Variants in XRCC4 observed in about 807,000 individuals in gnomAD.
XRCC4 encodes the protein DNA repair protein XRCC4.
XRCC4 carries 28 observed loss-of-function variants against 39.1 expected under a neutral mutation model. The observed-to-expected ratio is 0.72, with a 90% CI of 0.53 to 0.98. The LOEUF is 0.98. Ranked by LOEUF, XRCC4 falls within the 50% of genes least tolerant of loss-of-function variation. The pLI is 0.00. For missense variants in XRCC4, 350 were observed against 376.4 expected (o/e 0.93, Z 0.58); for synonymous variants, 123 against 126.4 (o/e 0.97, Z 0.18).
chr5:83,347,843 C>A (rs998189621), intron 7 of XRCC4, among the ~76,000 whole-genome samples: 1 of 152,168 alleles, frequency 6.6e-6, no homozygotes, highest in Non-Finnish European at 1.5e-5. Context: ...AAAATCAAAA[C>A]CAAGCTAGTT....
At chr5:83,228,633 T>G (rs892279564) in intron 6 of XRCC4, among the ~76,000 whole-genome samples, 1 of 152,064 alleles carries the variant, frequency 6.6e-6, no homozygotes, top group African/African-American at 2.4e-5. Flanking sequence ...TTGTGTTTCT[T>G]TATTTGCACT....
intron 3 of XRCC4, among the ~76,000 whole-genome samples, chr5:83,158,891 TCTC>T (rs1749080150): frequency 6.6e-6 from 1 of 152,136 alleles, no homozygotes; most frequent in Admixed American, 6.6e-5. Flanking sequence ...CTTTTATAAT[TCTC>T]CTCTTTCACC....
chr5:83,175,647 C>T (rs1053948457), intron 3 of XRCC4, among the ~76,000 whole-genome samples: 3 of 151,646 alleles, frequency 2.0e-5, no homozygotes, highest in Admixed American at 6.6e-5. Context: ...CTTGGTCTGT[C>T]GCCCACACTG....
At chr5:83,208,307 G>A (rs894482058) in intron 6 of XRCC4, among the ~76,000 whole-genome samples, 2 of 151,902 alleles carry the variant, frequency 1.3e-5, no homozygotes, top group African/African-American at 4.8e-5. Flanking sequence ...TGGTAGTTAT[G>A]CTTGTTTTTA....
At chr5:83,333,531 T>C (rs1302783355) in intron 7 of XRCC4, among the ~76,000 whole-genome samples, 2 of 152,142 alleles carry the variant, frequency 1.3e-5, no homozygotes, top group East Asian at 1.9e-4. Flanking sequence ...AAAACACTTA[T>C]CATCTGTAAT....
intron 3 of XRCC4, among the ~76,000 whole-genome samples, chr5:83,173,654 G>A (rs1749827848): frequency 6.6e-6 from 1 of 152,106 alleles, no homozygotes; most frequent in South Asian, 2.1e-4. Context: ...AGGACAGAAT[G>A]GAATATAGCC....
intron 7 of XRCC4, among the ~76,000 whole-genome samples, chr5:83,334,767 TTCTA>T (rs1756545284): frequency 6.6e-6 from 1 of 151,950 alleles, no homozygotes; most frequent in Non-Finnish European, 1.5e-5. Context: ...TTTCTGACTT[TTCTA>T]AAGTTTTTGC....
At chr5:83,084,576 T>C (rs1161322726) in intron 1 of XRCC4, among the ~76,000 whole-genome samples, 1 of 152,214 alleles carries the variant, frequency 6.6e-6, no homozygotes, top group African/African-American at 2.4e-5. Flanking sequence ...AGTAACTTCA[T>C]GTTACATTAA....
chr5:83,264,032 C>T (rs895848807), intron 7 of XRCC4, among the ~76,000 whole-genome samples: 8 of 152,116 alleles, frequency 5.3e-5, no homozygotes, highest in East Asian at 1.9e-4. Context: ...AAAGATGTAG[C>T]GTATTTCAGC....
At chr5:83,191,797 C>T (rs1750708140) in intron 3 of XRCC4, among the ~76,000 whole-genome samples, 1 of 152,204 alleles carries the variant, frequency 6.6e-6, no homozygotes, top group Non-Finnish European at 1.5e-5. Flanking sequence ...TGCCTTCTGC[C>T]ATGATTGAGA....
At chr5:83,113,960 G>C (rs1278168611) in intron 3 of XRCC4, among the ~76,000 whole-genome samples, 1 of 152,204 alleles carries the variant, frequency 6.6e-6, no homozygotes, top group Non-Finnish European at 1.5e-5. Context: ...AATCTAGGCA[G>C]AGGTTCCCAA....
intron 7 of XRCC4, among the ~76,000 whole-genome samples, chr5:83,281,505 T>G (rs1374774981): frequency 1.5e-5 from 2 of 135,006 alleles, no homozygotes; most frequent in Non-Finnish European, 1.5e-5. Context: ...TTTTGTTTTG[T>G]TTTTTTTTTT....
At chr5:83,335,889 A>G (rs552172866) in intron 7 of XRCC4, among the ~76,000 whole-genome samples, 1 of 152,174 alleles carries the variant, frequency 6.6e-6, no homozygotes, top group African/African-American at 2.4e-5. Context: ...TAAAAGAAAA[A>G]AAGACCATTT....
intron 3 of XRCC4, among the ~76,000 whole-genome samples, chr5:83,140,207 C>A (rs1174272976): frequency 6.6e-6 from 1 of 152,152 alleles, no homozygotes; most frequent in Non-Finnish European, 1.5e-5. Context: ...CGTCTGCAAG[C>A]TGAGGATACA....
intron 3 of XRCC4, among the ~76,000 whole-genome samples, chr5:83,186,472 A>G (rs1750443390): frequency 6.6e-6 from 1 of 152,104 alleles, no homozygotes; most frequent in Non-Finnish European, 1.5e-5. Flanking sequence ...TCACCTTCTT[A>G]CTGTGATCTC....
At chr5:83,315,024 G>A (rs965634020) in intron 7 of XRCC4, among the ~76,000 whole-genome samples, 6 of 152,102 alleles carry the variant, frequency 3.9e-5, no homozygotes, top group African/African-American at 4.8e-5. Context: ...CAAAAGGTAC[G>A]TCTCTTTCAC....
intron 7 of XRCC4, among the ~76,000 whole-genome samples, chr5:83,297,943 T>C (rs1469841891): frequency 6.6e-6 from 1 of 152,036 alleles, no homozygotes; most frequent in Non-Finnish European, 1.5e-5. Context: ...TAAAAATTTA[T>C]GCCATTCCCA....
At chr5:83,321,070 A>C (rs1320678869) in intron 7 of XRCC4, among the ~76,000 whole-genome samples, 1 of 152,074 alleles carries the variant, frequency 6.6e-6, no homozygotes, top group Non-Finnish European at 1.5e-5. Flanking sequence ...CGGCCTCCCA[A>C]AGTGCTGGGA....
chr5:83,268,547 G>C (rs968013513), intron 7 of XRCC4, among the ~76,000 whole-genome samples: 2 of 152,014 alleles, frequency 1.3e-5, no homozygotes, highest in African/African-American at 4.8e-5. Flanking sequence ...CTCTAAGAAG[G>C]GTTACTCAGG....
Sources: allele counts gnomAD v4.1 joint callset (sites outside exome capture counted in the v4.1 genomes callset), GRCh38; gene constraint gnomAD v4.1.1; transcripts MANE v1.5; gene names NCBI Gene and HGNC (gene_info 2026-07-23, HGNC 2026-07-21).